The following CACNG4 variants were observed in gnomAD, a reference collection of about 807,000 sequenced individuals.
The protein encoded by CACNG4 is calcium voltage-gated channel auxiliary subunit gamma 4.
In CACNG4, 8 loss-of-function variants were observed where a neutral mutation model predicts 22.9. That is an observed-to-expected ratio of 0.35 (90% CI 0.21 to 0.63). The LOEUF (loss-of-function observed/expected upper bound fraction) is 0.63. Among genes scored for constraint, CACNG4 ranks in the 30% least tolerant of loss-of-function variants. The pLI is 0.72. For missense variants in CACNG4, 357 were observed against 455.4 expected (o/e 0.78, Z 1.97); for synonymous variants, 188 against 191.9 (o/e 0.98, Z 0.17).
At position 66,996,425 on chromosome 17, in the gene CACNG4, G is replaced by A. The variant is rs190311778; in HGVS notation, c.221-21764G>A. 1.7e-3 allele frequency among the ~76,000 whole-genome samples: 251 copies of A among 150,548 alleles called. 1 individual carries two copies. Among genetic ancestry groups the A allele is most frequent in the African/African-American group, 5.9e-3 (241 of 41,040 alleles). ...GACAGGGTCTCGCTCTGTCACCCAG[G>A]CTGGAGTGCAGTGGTGTGATCTCGG... is the stretch of plus-strand genomic sequence containing the variant. On this transcript the variant is annotated intron_variant, in intron 1 of 3. Transcript: ENST00000262138.
intron 1 of CACNG4, among the ~76,000 whole-genome samples, chr17:66,971,877 C>A (rs1000959798): frequency 6.6e-6 from 1 of 152,084 alleles, no homozygotes; most frequent in Non-Finnish European, 1.5e-5. Context: ...TGCAGAACTT[C>A]GGGCAAGGAA....
chr17:66,983,788 AC>A lies in CACNG4; in HGVS notation c.220+18660del, dbSNP rs2035290344. On this transcript the variant is annotated intron_variant, in intron 1 of 3. Transcript: ENST00000262138. ...CTGCCACCCACTGGCACACTTTCAC[AC>A]CCAGGTTCTGGTTGTTGGCATTCAC... 2.6e-5 allele frequency among the ~76,000 whole-genome samples: 4 copies of A among 152,282 alleles called. No individual in the cohort carries two copies. In the South Asian group the frequency reaches 8.3e-4, roughly 32 times the overall value.
At chr17:67,002,819 A>C (rs1285011552) in intron 1 of CACNG4, among the ~76,000 whole-genome samples, 1 of 152,214 alleles carries the variant, frequency 6.6e-6, no homozygotes, top group African/African-American at 2.4e-5. Context: ...CTCCCCCTTC[A>C]TAAGTTGTTT....
At position 67,016,654 on chromosome 17, in the gene CACNG4, T is replaced by C. The variant is rs192972757; in HGVS notation, c.221-1535T>C. 6.4e-4 allele frequency among the ~76,000 whole-genome samples: 98 copies of C among 152,302 alleles called. No individual in the cohort carries two copies. In the East Asian group the frequency reaches 0.015, roughly 23 times the overall value. The stretch of plus-strand genomic sequence containing the variant: ...AAAGGAATTGGCCCCAGGTGGAAAC[T>C]GCTCCTTTGGTGTCAAGATGAGCTT... On this transcript the variant is annotated intron_variant, in intron 1 of 3. Coordinates refer to ENST00000262138, the MANE Select transcript of CACNG4 (RefSeq NM_014405.4).
At chr17:66,971,687 A>G (rs1965730285) in intron 1 of CACNG4, among the ~76,000 whole-genome samples, 1 of 152,182 alleles carries the variant, frequency 6.6e-6, no homozygotes, top group African/African-American at 2.4e-5. Context: ...AACCTGAACC[A>G]GAAAAAGGAC....
intron 1 of CACNG4, among the ~76,000 whole-genome samples, chr17:66,983,921 G>A (rs144405275): frequency 5.4e-4 from 83 of 152,310 alleles, no homozygotes; most frequent in African/African-American, 1.9e-3. Context: ...GCAAGGCAGC[G>A]GAGCTCAGCA....
rs528962233 is a variant in CACNG4, at chr17:67,031,007, C to T, written c.*3C>T. 36 of 1,605,676 alleles carry T rather than the reference C, an allele frequency of 2.2e-5. No individual in the cohort carries two copies. In the East Asian group the frequency reaches 4.5e-4, roughly 20 times the overall value. ...ACCGACGGACGACCCCTGTGTGAGC[C>T]GCCTGCCCTTTCTCTCCGCTCCAGC... On this transcript the variant is annotated 3_prime_UTR_variant, in exon 4 of 4. Transcript: ENST00000262138. The surrounding 1 kb of genome is among the most constrained non-coding windows in gnomAD (Gnocchi z 4.0).
At chr17:67,009,104 A>G (rs1388049849) in intron 1 of CACNG4, among the ~76,000 whole-genome samples, 2 of 152,142 alleles carry the variant, frequency 1.3e-5, no homozygotes, top group Non-Finnish European at 2.9e-5. Flanking sequence ...AAGCCAAGGA[A>G]CGCCAGAGAT....
chr17:66,996,896 C>T (rs565956239), intron 1 of CACNG4, among the ~76,000 whole-genome samples: 91 of 152,248 alleles, frequency 6.0e-4, no homozygotes, highest in African/African-American at 1.8e-3. Context: ...GAAGGGGCAG[C>T]GCCTGCCCTG....
rs911821766 is a variant in CACNG4, at chr17:66,975,033, C to T, written c.220+9902C>T. Among the ~76,000 whole-genome samples, 13 of 148,738 alleles carry T rather than the reference C, an allele frequency of 8.7e-5. No homozygotes were observed. The East Asian group carries it at 2.1e-3, about 24-fold the overall frequency. ...GCTCTCCACGTCACCACATCCAACACGGCCTGCCTGCTACCATGGCAAGCC... is the reference window on the plus strand; with the variant it reads ...GCTCTCCACGTCACCACATCCAACATGGCCTGCCTGCTACCATGGCAAGCC... On this transcript the variant is annotated intron_variant, in intron 1 of 3. Coordinates refer to ENST00000262138, the MANE Select transcript of CACNG4 (RefSeq NM_014405.4).
intron 1 of CACNG4, among the ~76,000 whole-genome samples, chr17:67,007,688 A>C (rs181698367): frequency 6.6e-6 from 1 of 152,314 alleles, no homozygotes; most frequent in East Asian, 1.9e-4. Flanking sequence ...AAGCTTCAGA[A>C]GGGCAGAGAC....
At chr17:66,965,212 G>GCACGCGCGCGCGCA (rs2035161592) in intron 1 of CACNG4, 81 bp downstream of exon 1, 1 of 628,408 alleles carries the variant, frequency 1.6e-6, no homozygotes, top group South Asian at 2.6e-5. Flanking sequence ...GCGCGCGCGC[G>GCACGCGCGCGCGCA]CACACACACA....
rs780961085 is a variant in CACNG4 at position 67,030,036 on chromosome 17, G to C, written c.446-430G>C. On this transcript the variant is annotated intron_variant, in intron 3 of 3. Coordinates refer to ENST00000262138, the MANE Select transcript of CACNG4 (RefSeq NM_014405.4). This position sits in a 1 kb window ranked among gnomAD's most constrained non-coding sequence, Gnocchi z 6.4. The stretch of plus-strand genomic sequence containing the variant: ...CGTGAGACTTCTGTATGGCGGTGCC[G>C]CACGTAGTTAGAAAGACAGGGATGG... Among the ~76,000 whole-genome samples the C allele has an allele frequency of 3.9e-5, 6 of 152,178 alleles. No individual in the cohort carries two copies. The highest frequency in any genetic ancestry group is 7.3e-5 in the Non-Finnish European group (5 of 68,034).
At chr17:66,969,069 C>A (rs929186925) in intron 1 of CACNG4, among the ~76,000 whole-genome samples, 2 of 152,170 alleles carry the variant, frequency 1.3e-5, no homozygotes, top group East Asian at 3.9e-4. Context: ...CATCACCAAC[C>A]AACATTTGTT....
chr17:67,020,725 G>A (rs1459384515), intron 2 of CACNG4, among the ~76,000 whole-genome samples: 1 of 152,206 alleles, frequency 6.6e-6, no homozygotes, highest in Non-Finnish European at 1.5e-5. Context: ...GACAGGCCAA[G>A]GTCATGATCA....
At chr17:67,011,504 C>T (rs1338619669) in intron 1 of CACNG4, among the ~76,000 whole-genome samples, 1 of 152,206 alleles carries the variant, frequency 6.6e-6, no homozygotes, top group East Asian at 1.9e-4. Context: ...CTTGTGTCAA[C>T]AGCCCGCCTT....
At chr17:67,006,616 T>C (rs1489936600) in intron 1 of CACNG4, among the ~76,000 whole-genome samples, 4 of 152,172 alleles carry the variant, frequency 2.6e-5, no homozygotes, top group African/African-American at 4.8e-5. Context: ...CACTTGTCCC[T>C]TATTCTTTGA....
chr17:67,025,266 G>A (rs1045162011), intron 3 of CACNG4, among the ~76,000 whole-genome samples: 1 of 152,222 alleles, frequency 6.6e-6, no homozygotes, highest in Non-Finnish European at 1.5e-5. Flanking sequence ...AAAAGCCACT[G>A]GATTGTGCCC....
chr17:66,988,485 GC>G (rs1419737607), intron 1 of CACNG4, among the ~76,000 whole-genome samples: 1 of 152,162 alleles, frequency 6.6e-6, no homozygotes, highest in African/African-American at 2.4e-5. Context: ...TGCTGCATCT[GC>G]CTCTTGGCTC....
Sources: allele counts gnomAD v4.1 joint callset (sites outside exome capture counted in the v4.1 genomes callset), GRCh38; gene constraint gnomAD v4.1.1; non-coding constraint Gnocchi (gnomAD v3.1); transcripts MANE v1.5; gene names NCBI Gene and HGNC (gene_info 2026-07-23, HGNC 2026-07-21).